ETNPPL: variants seen among roughly 807,000 people sequenced by gnomAD.
The protein encoded by ETNPPL is ethanolamine-phosphate phospho-lyase.
Under a neutral mutation model 55.5 loss-of-function variants are expected in ETNPPL, and 30 were observed. The ratio of observed to expected loss-of-function variants is 0.54; its 90% CI spans 0.40 to 0.73. ETNPPL has a LOEUF of 0.73. Among genes scored for constraint, ETNPPL ranks in the 30% least tolerant of loss-of-function variants. The pLI is 0.00. For synonymous variants in ETNPPL, 202 were observed against 207.2 expected, an observed-to-expected ratio of 0.98 and a Z score of 0.21; for missense variants, 528 against 607.9, an observed-to-expected ratio of 0.87 and a Z score of 1.38.
At chr4:108,749,990 T>C (rs1010074818) in intron 7 of ETNPPL, among the ~76,000 whole-genome samples, 8 of 152,156 alleles carry the variant, frequency 5.3e-5, no homozygotes, top group Non-Finnish European at 4.4e-5. Flanking sequence ...GGGATTATAG[T>C]GCATGAGCCA....
chr4:108,742,732 G>T (rs1728280002), intron 12 of ETNPPL, 120 bp from the exon 13 acceptor site: 2 of 1,090,676 alleles, frequency 1.8e-6, no homozygotes, highest in Non-Finnish European at 2.7e-6. Flanking sequence ...AAACAACACT[G>T]CTTGCTCCTT....
At chr4:108,747,209 A>T (rs868767797) in intron 9 of ETNPPL, among the ~76,000 whole-genome samples, 10 of 3,504 alleles carry the variant, frequency 2.9e-3, no homozygotes, top group African/African-American at 3.5e-3. Flanking sequence ...TATATATATA[A>T]TATATATATA....
At chr4:108,744,309 T>C (rs896853020) in intron 11 of ETNPPL, among the ~76,000 whole-genome samples, 36 of 152,184 alleles carry the variant, frequency 2.4e-4, no homozygotes, top group Non-Finnish European at 4.1e-4. Flanking sequence ...AAGATTCTTT[T>C]GTAGTATTTT....
chr4:108,760,021 G>A, intron 2 of ETNPPL, 113 bp from the exon 3 acceptor site: 2 of 1,236,476 alleles, frequency 1.6e-6, no homozygotes, highest in Non-Finnish European at 2.3e-6. Flanking sequence ...CAAAAGTTGA[G>A]TTCCTTTCTC....
intron 3 of ETNPPL, among the ~76,000 whole-genome samples, chr4:108,758,706 G>A (rs1317600247): frequency 2.0e-5 from 3 of 152,206 alleles, no homozygotes; most frequent in African/African-American, 4.8e-5. Context: ...CGCTGACCCC[G>A]AGGCGCTGCT....
chr4:108,746,252 TA>T, intron 11 of ETNPPL, 146 bp downstream of exon 11: 1 of 649,726 alleles, frequency 1.5e-6, no homozygotes, highest in Non-Finnish European at 2.3e-6. Flanking sequence ...TTTCTAGTCC[TA>T]AATGGAAAGT....
intron 5 of ETNPPL, among the ~76,000 whole-genome samples, chr4:108,753,808 A>G (rs562645668): frequency 4.8e-4 from 36 of 75,158 alleles, no homozygotes; most frequent in East Asian, 1.1e-3. Flanking sequence ...AAGAAAGAAA[A>G]GAGAAGAAAA....
chr4:108,743,884 G>C, intron 11 of ETNPPL, 28 bp from the exon 12 acceptor site: 1 of 1,485,786 alleles, frequency 6.7e-7, no homozygotes, highest in Non-Finnish European at 9.3e-7. Context: ...TTATGGAGAA[G>C]ACAAAATAAC....
chr4:108,759,951 C>T (rs780725040), intron 2 of ETNPPL, 43 bp from the exon 3 acceptor site: 1 of 1,579,184 alleles, frequency 6.3e-7, no homozygotes, highest in Non-Finnish European at 8.7e-7. Flanking sequence ...AGTTAGAATT[C>T]TAAGTGCCTG....
chr4:108,760,299 A>G lies in ETNPPL; in HGVS notation c.64T>C (p.Cys22Arg), dbSNP rs1729453148. 2 of 1,584,130 alleles carry G rather than the reference A, an allele frequency of 1.3e-6. No homozygotes were observed. The highest frequency in any genetic ancestry group is 1.7e-6 in the Non-Finnish European group (2 of 1,153,714). ...GLRKKHIGPSCKVFFASDPIK... is the reference protein window; with the variant it reads ...GLRKKHIGPSRKVFFASDPIK... Reference sequence around the variant, plus strand: ...GGATCCGATGCAAAGAAAACTTTGCATGAGGGCCTAGAAATAATCAAAGGA... The same window carrying G: ...GGATCCGATGCAAAGAAAACTTTGCGTGAGGGCCTAGAAATAATCAAAGGA... Residue 22 changes from cysteine to arginine, a missense_variant, in exon 2 of 13, where the codon TGC (cysteine) becomes CGC (arginine). Transcript: ENST00000296486.
In ETNPPL at chr4:108,752,939, C is replaced by T; in HGVS notation, c.574G>A (p.Glu192Lys). 6.2e-7 allele frequency: 1 copy of T among 1,612,652 alleles called. No homozygotes were observed. Among genetic ancestry groups the T allele is most frequent in the Middle Eastern group, 1.7e-4 (1 of 6,058 alleles). The change falls in exon 6 of 13, where the codon GAA (glutamate) becomes AAA (lysine). Residue 192 changes from glutamate to lysine, a missense_variant. Physicochemically the swap from Glu to Lys is moderately conservative, Grantham distance 56 (BLOSUM62 1). Transcript: ENST00000296486. ...GCATCTTCAATGATTTTCTTCACTT[C>T]ATCTGCATAAGCACTGGCTGAGTCT... Reference protein sequence around the residue: ...HADSASAYADEVKKIIEDAHN... With the variant: ...HADSASAYADKVKKIIEDAHN...
At chr4:108,756,273 A>C in intron 4 of ETNPPL, 145 bp downstream of exon 4, 1 of 578,074 alleles carries the variant, frequency 1.7e-6, no homozygotes, top group Non-Finnish European at 3.1e-6. Flanking sequence ...TTGATAGCTT[A>C]ATACATAATT....
intron 4 of ETNPPL, among the ~76,000 whole-genome samples, chr4:108,755,357 A>G (rs1729147757): frequency 6.6e-6 from 1 of 152,222 alleles, no homozygotes; most frequent in African/African-American, 2.4e-5. Context: ...AAATCCTAGA[A>G]GAAACCCCAG....
At chr4:108,762,646 G>A (rs999966619) in intron 1 of ETNPPL, 197 bp downstream of exon 1, 4 of 696,006 alleles carry the variant, frequency 5.7e-6, no homozygotes, top group South Asian at 4.8e-5. Flanking sequence ...GAAGCCCAGC[G>A]TTCCGGGTTC....
chr4:108,751,636 G>T (rs983780394), intron 6 of ETNPPL, among the ~76,000 whole-genome samples: 3 of 152,216 alleles, frequency 2.0e-5, no homozygotes, highest in Non-Finnish European at 4.4e-5. Context: ...CAAAGAATGT[G>T]AGATAAGAAA....
chr4:108,750,286 G>A (rs776414249), intron 7 of ETNPPL, among the ~76,000 whole-genome samples: 3 of 152,028 alleles, frequency 2.0e-5, no homozygotes, highest in East Asian at 1.9e-4. Context: ...AGCTGCCAGC[G>A]AATATAAAGC....
intron 1 of ETNPPL, chr4:108,762,548 G>C (rs1340611777): frequency 4.6e-6 from 3 of 645,850 alleles, no homozygotes; most frequent in Non-Finnish European, 8.4e-6. Context: ...TAGGGCTATT[G>C]GCCGTCATCC....
rs181605614 is a variant in ETNPPL, at chr4:108,761,920, T to C, written c.56+923A>G. Among the ~76,000 whole-genome samples the C allele has an allele frequency of 2.4e-3, 361 of 152,326 alleles. 2 individuals carry two copies. Among genetic ancestry groups the C allele is most frequent in the African/African-American group, 8.5e-3 (352 of 41,572 alleles). On this transcript the variant is annotated intron_variant, in intron 1 of 12. Coordinates refer to ENST00000296486, the MANE Select transcript of ETNPPL (RefSeq NM_031279.4). ...CCTTGTAACCCCAAGTGCTCTCTCA[T>C]GCCCACTGGCCCGGCTGCAGTCGTT... is the stretch of plus-strand genomic sequence containing the variant.
intron 3 of ETNPPL, 70 bp from the exon 4 acceptor site, chr4:108,756,562 C>T: frequency 8.9e-7 from 1 of 1,126,512 alleles, no homozygotes; most frequent in Non-Finnish European, 1.4e-6. Context: ...ATGTGCCAGG[C>T]ACGGTAGCTC....
Sources: allele counts gnomAD v4.1 joint callset (sites outside exome capture counted in the v4.1 genomes callset), GRCh38; gene constraint gnomAD v4.1.1; transcripts MANE v1.5; gene names NCBI Gene and HGNC (gene_info 2026-07-23, HGNC 2026-07-21).